Variants in RNF130 observed in about 807,000 individuals in gnomAD.
The protein encoded by RNF130 is ring finger protein 130, also known as E3 ubiquitin-protein ligase RNF130.
Under a neutral mutation model 44.6 loss-of-function variants are expected in RNF130, and 21 were observed. The ratio of observed to expected loss-of-function variants is 0.47; its 90% confidence interval spans 0.33 to 0.68. RNF130 has a LOEUF of 0.68. RNF130 is among the 30% of genes least tolerant of loss of function. The probability of loss-of-function intolerance (pLI) is 0.02; values close to 1 mark genes in which losing one functional copy is unlikely to be tolerated. For synonymous variants in RNF130, 214 were observed against 210.4 expected, an observed-to-expected ratio of 1.02 and a Z score of -0.15; for missense variants, 479 against 560.6, an observed-to-expected ratio of 0.85 and a Z score of 1.47.
intron 1 of RNF130, among the ~76,000 whole-genome samples, chr5:180,044,838 A>T (rs996243276): frequency 1.3e-4 from 20 of 152,188 alleles, no homozygotes; most frequent in African/African-American, 3.4e-4. Flanking sequence ...TCTCAAAAAA[A>T]AAAAATAAAA....
intron 3 of RNF130, among the ~76,000 whole-genome samples, chr5:179,986,107 T>C (rs965852033): frequency 2.5e-4 from 38 of 152,340 alleles, no homozygotes; most frequent in Middle Eastern, 3.4e-3. Context: ...TCAAATCACA[T>C]TGGATACTAC....
intron 8 of RNF130, among the ~76,000 whole-genome samples, chr5:179,961,915 A>G (rs964053784): frequency 2.6e-5 from 4 of 152,242 alleles, no homozygotes; most frequent in African/African-American, 2.4e-5. Flanking sequence ...TTTATTGAGC[A>G]CTTCTTATGT....
chr5:180,066,081 C>G (rs1265545033), intron 1 of RNF130, among the ~76,000 whole-genome samples: 2 of 152,218 alleles, frequency 1.3e-5, no homozygotes, highest in Non-Finnish European at 2.9e-5. Flanking sequence ...TACACATACA[C>G]ACGCCCTCTG....
intron 2 of RNF130, among the ~76,000 whole-genome samples, chr5:180,019,657 T>C (rs931083026): frequency 3.9e-5 from 6 of 152,210 alleles, no homozygotes; most frequent in East Asian, 3.8e-4. Flanking sequence ...GAAAAACAGA[T>C]ACATTCTACA....
intron 7 of RNF130, chr5:179,964,126 A>G (rs1170021268): frequency 6.6e-6 from 1 of 152,532 alleles, no homozygotes; most frequent in East Asian, 1.9e-4. Context: ...CGTAAAAAGG[A>G]CATCTCACTG....
At chr5:179,954,704 T>C (rs1251024159), downstream of RNF130, among the ~76,000 whole-genome samples, 1 of 152,246 alleles carries the variant, frequency 6.6e-6, no homozygotes, top group African/African-American at 2.4e-5. Flanking sequence ...GGTAATTTTA[T>C]AGCATGTGAA....
chr5:179,931,180 T>C (rs1214622655), intron 7 of RNF130, among the ~76,000 whole-genome samples: 1 of 152,082 alleles, frequency 6.6e-6, no homozygotes, highest in African/African-American at 2.4e-5. Flanking sequence ...CCTGTGACAG[T>C]GTTTCCCGCC....
intron 3 of RNF130, among the ~76,000 whole-genome samples, chr5:179,991,173 T>C (rs1763075193): frequency 6.6e-6 from 1 of 152,206 alleles, no homozygotes; most frequent in Non-Finnish European, 1.5e-5. Context: ...GAAAGTCTGT[T>C]GTTTGTCTGA....
intron 8 of RNF130, among the ~76,000 whole-genome samples, chr5:179,958,098 C>T (rs1033441164): frequency 6.6e-6 from 1 of 152,042 alleles, no homozygotes; most frequent in African/African-American, 2.4e-5. Context: ...GGGATGGTCT[C>T]GATCTCCTGA....
chr5:179,940,215 T>C (rs1182816615), intron 7 of RNF130: 2 of 152,148 alleles, frequency 1.3e-5, no homozygotes, highest in South Asian at 2.1e-4. Flanking sequence ...TTTCCTGAAT[T>C]GTTCACTTTC....
At chr5:180,019,874 C>A (rs1763832653) in intron 2 of RNF130, among the ~76,000 whole-genome samples, 1 of 152,154 alleles carries the variant, frequency 6.6e-6, no homozygotes, top group South Asian at 2.1e-4. Context: ...GCCACATGGC[C>A]CTGAGGGTAA....
chr5:179,947,394 C>T (rs574464422), intron 7 of RNF130, among the ~76,000 whole-genome samples: 2 of 152,294 alleles, frequency 1.3e-5, no homozygotes, highest in South Asian at 4.1e-4. Flanking sequence ...AGCACACTTC[C>T]TGGCCTTTTC....
At chr5:179,973,751 C>T (rs1421080933) in intron 5 of RNF130, among the ~76,000 whole-genome samples, 1 of 152,160 alleles carries the variant, frequency 6.6e-6, no homozygotes, top group African/African-American at 2.4e-5. Context: ...GTTCCCCACT[C>T]ACGTGATAAA....
intron 7 of RNF130, among the ~76,000 whole-genome samples, chr5:179,947,410 T>C (rs1762058488): frequency 6.6e-6 from 1 of 152,142 alleles, no homozygotes; most frequent in East Asian, 1.9e-4. Context: ...TTTTCTACTA[T>C]CATGCTCTGC....
At chr5:179,935,062 GA>G (rs1183919056) in intron 7 of RNF130, among the ~76,000 whole-genome samples, 1 of 152,170 alleles carries the variant, frequency 6.6e-6, no homozygotes, top group East Asian at 1.9e-4. Flanking sequence ...AGCATTCAAT[GA>G]AACATTTTAA....
chr5:179,922,643 A>G (rs1761651787), intron 7 of RNF130, among the ~76,000 whole-genome samples: 1 of 151,724 alleles, frequency 6.6e-6, no homozygotes, highest in Non-Finnish European at 1.5e-5. Flanking sequence ...ATGAGGGTTT[A>G]AAAAAAATTC....
intron 7 of RNF130, 22 bp downstream of exon 7, chr5:179,966,784 C>T (rs1242069381): frequency 6.2e-7 from 1 of 1,604,812 alleles, no homozygotes; most frequent in African/African-American, 1.3e-5. Context: ...TGCCCTGTGC[C>T]TGAGCGGAGG....
chr5:180,010,263 A>T (rs2113079297), intron 3 of RNF130, among the ~76,000 whole-genome samples: 1 of 151,486 alleles, frequency 6.6e-6, no homozygotes, highest in South Asian at 2.1e-4. Flanking sequence ...AAAAAAAAAA[A>T]AAAAAAAAAG....
At chr5:179,989,246 G>C (rs1763022900) in intron 3 of RNF130, among the ~76,000 whole-genome samples, 1 of 152,172 alleles carries the variant, frequency 6.6e-6, no homozygotes, top group Admixed American at 6.5e-5. Context: ...TCATGATTCA[G>C]TTACCTCCCA....
Sources: allele counts gnomAD v4.1 joint callset (sites outside exome capture counted in the v4.1 genomes callset), GRCh38; gene constraint gnomAD v4.1.1; transcripts MANE v1.5; gene names NCBI Gene and HGNC (gene_info 2026-07-23, HGNC 2026-07-21).